The following SHROOM3 variants were observed in gnomAD, a reference collection of about 807,000 sequenced individuals.
SHROOM3 encodes protein Shroom3.
In SHROOM3, 47 loss-of-function variants were observed where a neutral mutation model predicts 138.6. The observed-to-expected ratio is 0.34, with a 90% CI of 0.27 to 0.43. The LOEUF (loss-of-function observed/expected upper bound fraction) is 0.43, where lower values mean the gene tolerates loss of function less well. SHROOM3 is among the 20% of genes least tolerant of loss of function. The pLI, the probability that SHROOM3 is intolerant of heterozygous loss-of-function variation, is 1.00. For synonymous variants in SHROOM3, 1,062 were observed against 1,063.3 expected (o/e 1.00, Z 0.02); for missense variants, 2,491 against 2,596.5 (o/e 0.96, Z 0.88).
chr4:76,619,606 A>G (rs1270391339), intron 2 of SHROOM3, among the ~76,000 whole-genome samples: 1 of 152,342 alleles, frequency 6.6e-6, no homozygotes, highest in Middle Eastern at 3.4e-3. Context: ...CAGTGGAAAC[A>G]TGGGGATACA....
chr4:76,773,931 G>A (rs906728676), intron 10 of SHROOM3, among the ~76,000 whole-genome samples: 9 of 152,146 alleles, frequency 5.9e-5, no homozygotes, highest in Non-Finnish European at 2.9e-5. Context: ...TATAGGTAGG[G>A]AAGAGTCATG....
chr4:76,663,524 CA>C (rs879835458), intron 2 of SHROOM3, among the ~76,000 whole-genome samples: 3 of 152,038 alleles, frequency 2.0e-5, no homozygotes, highest in Non-Finnish European at 4.4e-5. Flanking sequence ...CAAAGAAGCC[CA>C]ATCTCTCGTG....
intron 10 of SHROOM3, among the ~76,000 whole-genome samples, chr4:76,771,259 TC>T (rs932477443): frequency 4.6e-5 from 7 of 151,702 alleles, no homozygotes; most frequent in African/African-American, 1.7e-4. Context: ...GTGCTTGTAA[TC>T]CCGGCTACTC....
chr4:76,495,479 G>A lies in SHROOM3; in HGVS notation c.168+59259G>A, dbSNP rs116181867. ...CTGCTCCAGAGATCTGATGCAATCA[G>A]GCTGAGAACAGACTTCAGCTGGAAC... is the stretch of plus-strand genomic sequence containing the variant. On this transcript the variant is annotated intron_variant, in intron 1 of 10. Transcript: ENST00000296043. Among the ~76,000 whole-genome samples the A allele has an allele frequency of 8.0e-3, 1,226 of 152,354 alleles. 7 individuals are homozygous for A. The highest frequency in any genetic ancestry group is 0.015 in the South Asian group (73 of 4,832).
chr4:76,770,324 CAAAAAAAAAAAAAA>C (rs529468839), intron 9 of SHROOM3, among the ~76,000 whole-genome samples: 1 of 36,088 alleles, frequency 2.8e-5, no homozygotes, highest in Non-Finnish European at 6.1e-5. Flanking sequence ...AACTCTGTCT[CAAAAAAAAAAAAAA>C]AAAAAAAAAA....
chr4:76,691,446 C>A (rs1383222801), intron 2 of SHROOM3, among the ~76,000 whole-genome samples: 2 of 152,226 alleles, frequency 1.3e-5, no homozygotes, highest in East Asian at 3.9e-4. Context: ...AGTACCTGAG[C>A]CCAGTAGGAG....
chr4:76,539,751 T>C (rs2110019970), intron 1 of SHROOM3, among the ~76,000 whole-genome samples: 1 of 152,326 alleles, frequency 6.6e-6, no homozygotes. Flanking sequence ...GCAGTCTGGT[T>C]ACAAAACTTA....
At chr4:76,634,125 A>G (rs1446155966) in intron 2 of SHROOM3, among the ~76,000 whole-genome samples, 2 of 152,168 alleles carry the variant, frequency 1.3e-5, no homozygotes, top group African/African-American at 2.4e-5. Flanking sequence ...TCAAAATGAA[A>G]GTGTCACGTA....
chr4:76,659,906 G>GTTTTTGT (rs1577957675), intron 2 of SHROOM3, among the ~76,000 whole-genome samples: 2 of 152,288 alleles, frequency 1.3e-5, no homozygotes, highest in East Asian at 3.9e-4. Context: ...TACAAAACAA[G>GTTTTTGT]AAAAGATGGG....
intron 5 of SHROOM3, among the ~76,000 whole-genome samples, chr4:76,748,661 C>T (rs1721522681): frequency 6.6e-6 from 1 of 152,090 alleles, no homozygotes; most frequent in Admixed American, 6.6e-5. Context: ...AAAAGTTTGG[C>T]CCATTGAATT....
intron 5 of SHROOM3, among the ~76,000 whole-genome samples, chr4:76,745,983 A>C (rs1205320524): frequency 6.6e-6 from 1 of 152,140 alleles, no homozygotes; most frequent in Non-Finnish European, 1.5e-5. Context: ...TCTGTCTCAA[A>C]AAATAAAATA....
At chr4:76,458,329 TTG>T (rs1341738035) in intron 1 of SHROOM3, among the ~76,000 whole-genome samples, 3 of 152,238 alleles carry the variant, frequency 2.0e-5, no homozygotes, top group Non-Finnish European at 2.9e-5. Context: ...TTAAAACTGA[TTG>T]TGTCTTTGTA....
chr4:76,624,116 A>G (rs555716393), intron 2 of SHROOM3, among the ~76,000 whole-genome samples: 2 of 152,216 alleles, frequency 1.3e-5, no homozygotes, highest in Non-Finnish European at 2.9e-5. Context: ...AGTTACCTAT[A>G]GTGTTTTTAA....
Position 76,555,593 on chromosome 4 carries a change from C to T in SHROOM3, c.169-16C>T, listed in dbSNP as rs1733467751. ...GAAAGCTCACTCGTGGCTGTCGCAT[C>T]TCTCCCTCCAAGCAGGTCGAAGAAG... On this transcript the variant is annotated splice_polypyrimidine_tract_variant and intron_variant, in intron 1 of 10. Coordinates refer to ENST00000296043, the MANE Select transcript of SHROOM3 (RefSeq NM_020859.4). 7 of 1,612,820 alleles carry T rather than the reference C, an allele frequency of 4.3e-6. No individual in the cohort carries two copies. The highest frequency in any genetic ancestry group is 5.9e-6 in the Non-Finnish European group (7 of 1,179,936).
intron 2 of SHROOM3, among the ~76,000 whole-genome samples, chr4:76,676,584 G>A (rs1719032830): frequency 6.6e-6 from 1 of 152,152 alleles, no homozygotes; most frequent in South Asian, 2.1e-4. Flanking sequence ...CAGGTCCTGG[G>A]AGGTTGGCTA....
chr4:76,704,209 A>G (rs576384707), intron 2 of SHROOM3, among the ~76,000 whole-genome samples: 2 of 152,350 alleles, frequency 1.3e-5, no homozygotes, highest in South Asian at 2.1e-4. Flanking sequence ...ACAGGTTCCT[A>G]TGATTCATTC....
At chr4:76,472,253 C>T (rs1256036663) in intron 1 of SHROOM3, among the ~76,000 whole-genome samples, 1 of 152,078 alleles carries the variant, frequency 6.6e-6, no homozygotes. Context: ...CAGTTTTGTG[C>T]AATAATTTAA....
intron 4 of SHROOM3, among the ~76,000 whole-genome samples, chr4:76,732,439 A>G (rs1322875319): frequency 6.6e-6 from 1 of 152,212 alleles, no homozygotes; most frequent in Non-Finnish European, 1.5e-5. Flanking sequence ...ATGGAATTGA[A>G]CAGGACAAAC....
chr4:76,608,906 A>G (rs527809066), intron 2 of SHROOM3, among the ~76,000 whole-genome samples: 49 of 152,330 alleles, frequency 3.2e-4, no homozygotes, highest in African/African-American at 1.1e-3. Context: ...AAAGTGCTGA[A>G]CACTTGCTAT....
Sources: allele counts gnomAD v4.1 joint callset (sites outside exome capture counted in the v4.1 genomes callset), GRCh38; gene constraint gnomAD v4.1.1; transcripts MANE v1.5; gene names NCBI Gene and HGNC (gene_info 2026-07-23, HGNC 2026-07-21).